Variants in PPP2R5D observed in about 807,000 individuals in gnomAD.
The protein encoded by PPP2R5D is protein phosphatase 2 regulatory subunit B'delta.
Under a neutral mutation model 79.1 loss-of-function variants are expected in PPP2R5D, and 12 were observed. That is an observed-to-expected ratio of 0.15 (90% CI 0.10 to 0.25). PPP2R5D has a LOEUF of 0.25. Ranked by LOEUF, PPP2R5D falls within the 10% of genes least tolerant of loss-of-function variation. The probability of loss-of-function intolerance (pLI) is 1.00; values close to 1 mark genes in which losing one functional copy is unlikely to be tolerated. For missense variants in PPP2R5D, 419 were observed against 760.2 expected (o/e 0.55, Z 5.28); for synonymous variants, 277 against 286.6 (o/e 0.97, Z 0.34).
chr6:42,999,225 A>T (rs963040835), intron 2 of PPP2R5D, among the ~76,000 whole-genome samples: 1 of 152,138 alleles, frequency 6.6e-6, no homozygotes, highest in African/African-American at 2.4e-5. Context: ...TGGGGCTTTT[A>T]AGAGAAATGG....
chr6:43,011,610 T>TA lies in PPP2R5D; in HGVS notation c.*325dup, dbSNP rs1454112913. 8.0e-6 allele frequency: 3 copies of TA among 373,706 alleles called. No homozygotes were observed. The East Asian group carries it at 1.6e-4, about 20-fold the overall frequency. The allele number at this position is 373,706 out of a possible 1,614,324, so 23.1% of individuals were successfully genotyped here. On this transcript the variant is annotated 3_prime_UTR_variant, in exon 16 of 16. Transcript: ENST00000485511. ...TCTGAGAAGTACACACAGGAATACA[T>TA]ACGCTCCTCTATTCTTCCCTTCATC...
In PPP2R5D at chr6:43,008,678, C is replaced by T; in HGVS notation, c.1027-15C>T. 4 of 1,613,710 alleles carry T rather than the reference C, an allele frequency of 2.5e-6. No homozygotes were observed. Among genetic ancestry groups the T allele is most frequent in the Non-Finnish European group, 3.4e-6 (4 of 1,179,636 alleles). On this transcript the variant is annotated splice_polypyrimidine_tract_variant and intron_variant, in intron 9 of 15. Coordinates refer to ENST00000485511, the MANE Select transcript of PPP2R5D (RefSeq NM_006245.4). The surrounding 1 kb of genome is among the most constrained non-coding windows in gnomAD (Gnocchi z 4.2). ...GACCTACACCTCACCTCCCTTCTAC[C>T]TCACACCTTTGCAGCTGGCATACTG...
intron 2 of PPP2R5D, among the ~76,000 whole-genome samples, chr6:42,996,826 A>C (rs1255040463): frequency 6.6e-6 from 1 of 152,250 alleles, no homozygotes; most frequent in Admixed American, 6.5e-5. Context: ...ACTGGAGAGA[A>C]GGCCTCTGAT....
intron 2 of PPP2R5D, among the ~76,000 whole-genome samples, chr6:43,003,828 G>A (rs1368881708): frequency 1.3e-5 from 2 of 151,910 alleles, no homozygotes; most frequent in East Asian, 1.9e-4. Flanking sequence ...TCCGCCTCCC[G>A]GGTTCACGCC....
chr6:42,984,663 T>C lies in PPP2R5D; in HGVS notation c.-15T>C, dbSNP rs1170179717. 3.1e-6 allele frequency: 5 copies of C among 1,600,908 alleles called. No homozygotes were observed. The highest frequency in any genetic ancestry group is 4.3e-6 in the Non-Finnish European group (5 of 1,174,974). On this transcript the variant is annotated 5_prime_UTR_variant, in exon 1 of 16. Coordinates refer to ENST00000485511, the MANE Select transcript of PPP2R5D (RefSeq NM_006245.4). ...GCGGGGCCGCAGGAGACGGGCCGGGTCCGGACGGGCCGAGATGCCCTATAA... is the reference window on the plus strand; with the variant it reads ...GCGGGGCCGCAGGAGACGGGCCGGGCCCGGACGGGCCGAGATGCCCTATAA...
Position 43,010,332 on chromosome 6 carries a change from GCA to G in PPP2R5D, c.1380-133_1380-132del. ...TTGGCCAGAGCTCTCTTCTGATACTGCACAGAGGTTTGTGAACTGGAAGTAGT... is the reference window on the plus strand; with the variant it reads ...TTGGCCAGAGCTCTCTTCTGATACTGCAGAGGTTTGTGAACTGGAAGTAGT... On this transcript the variant is annotated intron_variant, in intron 12 of 15. Transcript: ENST00000485511. This position sits in a 1 kb window ranked among gnomAD's most constrained non-coding sequence, Gnocchi z 4.7. 1 of 704,056 alleles carries G rather than the reference GCA, an allele frequency of 1.4e-6. No individual in the cohort carries two copies. Among genetic ancestry groups the G allele is most frequent in the Non-Finnish European group, 2.5e-6 (1 of 403,914 alleles). The allele number at this position is 704,056 out of a possible 1,614,324, so 43.6% of individuals were successfully genotyped here.
At chr6:42,996,289 C>T (rs1771681475) in intron 2 of PPP2R5D, among the ~76,000 whole-genome samples, 1 of 150,376 alleles carries the variant, frequency 6.6e-6, no homozygotes, top group East Asian at 2.0e-4. Context: ...ATGGTGAAAC[C>T]CCGTCTCTAC....
Position 43,011,302 on chromosome 6 carries a change from C to A in PPP2R5D, c.*16C>A, listed in dbSNP as rs761639726. The stretch of plus-strand genomic sequence containing the variant: ...GGCTCTCTGACCCCTCACGTTCCTA[C>A]CACAGGGCCACAGCCCACACAGCCC... On this transcript the variant is annotated 3_prime_UTR_variant, in exon 16 of 16. Transcript: ENST00000485511. 1 of 1,613,122 alleles carries A rather than the reference C, an allele frequency of 6.2e-7. No individual in the cohort carries two copies. Among genetic ancestry groups the A allele is most frequent in the African/African-American group, 1.3e-5 (1 of 74,890 alleles).
rs1209144318 is a variant in PPP2R5D, at chr6:43,012,314, C to T, written c.*1028C>T. ...GCTTGGACCGATGTCCCCATATGTA[C>T]AGAACTGAATAAAGTGGGTCTCTGA... is the stretch of plus-strand genomic sequence containing the variant. On this transcript the variant is annotated 3_prime_UTR_variant, in exon 16 of 16. Coordinates refer to ENST00000485511, the MANE Select transcript of PPP2R5D (RefSeq NM_006245.4). The T allele has an allele frequency of 6.9e-7, 1 of 1,451,474 alleles. No individual in the cohort carries two copies. Among genetic ancestry groups the T allele is most frequent in the African/African-American group, 1.4e-5 (1 of 70,248 alleles). The allele number at this position is 1,451,474 out of a possible 1,614,324, so 89.9% of individuals were successfully genotyped here.
chr6:42,991,644 A>G (rs1324356026), intron 2 of PPP2R5D, among the ~76,000 whole-genome samples: 2 of 152,188 alleles, frequency 1.3e-5, no homozygotes, highest in Non-Finnish European at 2.9e-5. Context: ...AGCACCCAGC[A>G]TTTGAATGTA....
Position 43,007,870 on chromosome 6 carries a change from C to A in PPP2R5D, c.727-65C>A. The A allele has an allele frequency of 5.0e-6, 8 of 1,600,096 alleles. No homozygotes were observed. The highest frequency in any genetic ancestry group is 6.8e-6 in the Non-Finnish European group (8 of 1,169,278). The stretch of plus-strand genomic sequence containing the variant: ...GCATTTCCCCTGGCGGGACCTATGT[C>A]ACCCTGGCCACTGCCTTCCCTGGCT... On this transcript the variant is annotated intron_variant, in intron 6 of 15. Coordinates refer to ENST00000485511, the MANE Select transcript of PPP2R5D (RefSeq NM_006245.4). This position sits in a 1 kb window ranked among gnomAD's most constrained non-coding sequence, Gnocchi z 4.5.
At chr6:42,989,773 G>T in intron 2 of PPP2R5D, 85 bp downstream of exon 2, 2 of 1,342,424 alleles carry the variant, frequency 1.5e-6, no homozygotes. Flanking sequence ...GATCCCAGGG[G>T]GTGAGGCAGA....
intron 2 of PPP2R5D, among the ~76,000 whole-genome samples, chr6:42,996,126 G>A (rs1771663027): frequency 6.8e-6 from 1 of 146,524 alleles, no homozygotes; most frequent in South Asian, 2.2e-4. Flanking sequence ...TTATAGGCAT[G>A]AGCCACTGCA....
Position 43,011,479 on chromosome 6 carries a change from G to A in PPP2R5D, c.*193G>A, listed in dbSNP as rs1762348300. ...CCTCTTCTCCCCAAAAGGTGTTCAT[G>A]CCTCCCTGTGGCTAGTACAGGCTGA... On this transcript the variant is annotated 3_prime_UTR_variant, in exon 16 of 16. Coordinates refer to ENST00000485511, the MANE Select transcript of PPP2R5D (RefSeq NM_006245.4). The A allele has an allele frequency of 1.4e-6, 1 of 715,094 alleles. No individual in the cohort carries two copies. 44.3% of individuals were successfully genotyped at this position (715,094 alleles called of 1,614,324 possible). A position where few individuals can be genotyped will look rare whatever the true frequency, so the allele number is the denominator to read the frequency against.
At chr6:42,998,059 T>G (rs867980210) in intron 2 of PPP2R5D, among the ~76,000 whole-genome samples, 3 of 15,654 alleles carry the variant, frequency 1.9e-4, no homozygotes, top group Non-Finnish European at 3.5e-4. Context: ...ATATATATAT[T>G]TTTTTTTTTT....
rs961265304 is a variant in PPP2R5D at position 43,005,839 on chromosome 6, C to G, written c.106-624C>G. 3.9e-5 allele frequency among the ~76,000 whole-genome samples: 6 copies of G among 152,234 alleles called. No individual in the cohort carries two copies. The South Asian group carries it at 1.2e-3, about 32-fold the overall frequency. ...GTTTCACCATGTTGGCCTGGCTGGT[C>G]TTGAACTCTTGACCTCAGGTGATCT... On this transcript the variant is annotated intron_variant, in intron 2 of 15. Coordinates refer to ENST00000485511, the MANE Select transcript of PPP2R5D (RefSeq NM_006245.4).
intron 2 of PPP2R5D, among the ~76,000 whole-genome samples, chr6:42,992,162 C>T (rs1051272758): frequency 3.3e-5 from 5 of 152,178 alleles, no homozygotes; most frequent in African/African-American, 1.2e-4. Context: ...TGGATTCACG[C>T]CATTCTCCTG....
chr6:43,006,742 A>G lies in PPP2R5D; in HGVS notation c.322+63A>G. The G allele has an allele frequency of 1.3e-6, 2 of 1,588,622 alleles. No individual in the cohort carries two copies. The highest frequency in any genetic ancestry group is 1.7e-6 in the Non-Finnish European group (2 of 1,164,892). On this transcript the variant is annotated intron_variant, in intron 3 of 15. Coordinates refer to ENST00000485511, the MANE Select transcript of PPP2R5D (RefSeq NM_006245.4). This position sits in a 1 kb window ranked among gnomAD's most constrained non-coding sequence, Gnocchi z 4.7. ...TCTAGTGGGCATCGGGAGTTGGTGGAATGGAAGTTTTGGGGTATTTTGCGG... is the reference window on the plus strand; with the variant it reads ...TCTAGTGGGCATCGGGAGTTGGTGGGATGGAAGTTTTGGGGTATTTTGCGG...
At position 43,010,894 on chromosome 6, in the gene PPP2R5D, G is replaced by T; in HGVS notation, c.1568G>T (p.Arg523Leu). ...CTCCTCACTCAGTATCCCATGTTCC[G>T]AGCCCCTCCACCACTGCCCCCTGTG... ...ARLNPQYPMF[R>L]APPPLPPVYS... The change falls in exon 15 of 16, where the codon CGA becomes CTA. Residue 523 changes from arginine to leucine, a missense_variant. Arg to Leu is a moderately radical substitution (Grantham distance 102, BLOSUM62 -2). Around this residue, in one of 5 missense-constraint regions of PPP2R5D, gnomAD observed 84 missense variants for 105.4 expected, o/e 0.80. Coordinates refer to ENST00000485511, the MANE Select transcript of PPP2R5D (RefSeq NM_006245.4). The surrounding 1 kb of genome is among the most constrained non-coding windows in gnomAD (Gnocchi z 4.7). 1 of 1,613,436 alleles carries T rather than the reference G, an allele frequency of 6.2e-7. No individual in the cohort carries two copies. Among genetic ancestry groups the T allele is most frequent in the Non-Finnish European group, 8.5e-7 (1 of 1,179,666 alleles).
Sources: allele counts gnomAD v4.1 joint callset (sites outside exome capture counted in the v4.1 genomes callset), GRCh38; gene constraint gnomAD v4.1.1; regional missense constraint gnomAD v4.1.1; non-coding constraint Gnocchi (gnomAD v3.1); transcripts MANE v1.5; gene names NCBI Gene and HGNC (gene_info 2026-07-23, HGNC 2026-07-21).